The following ADAMTS2 variants were observed in gnomAD, a reference collection of about 807,000 sequenced individuals.
ADAMTS2 encodes the protein ADAM metallopeptidase with thrombospondin type 1 motif 2.
ADAMTS2 carries 50 observed loss-of-function variants against 123.0 expected under a neutral mutation model. The observed-to-expected ratio is 0.41, with a 90% CI of 0.32 to 0.51. The LOEUF (loss-of-function observed/expected upper bound fraction) is 0.51. Among genes scored for constraint, ADAMTS2 ranks in the 20% least tolerant of loss-of-function variants. The pLI, the probability that ADAMTS2 is intolerant of heterozygous loss-of-function variation, is 0.35. For missense variants in ADAMTS2, 1,494 were observed against 1,705.2 expected (o/e 0.88, Z 2.18); for synonymous variants, 678 against 695.4 (o/e 0.98, Z 0.39).
intron 4 of ADAMTS2, among the ~76,000 whole-genome samples, chr5:179,195,729 C>T (rs1031423962): frequency 6.6e-6 from 1 of 152,200 alleles, no homozygotes; most frequent in African/African-American, 2.4e-5. Context: ...TGCAGCCTCG[C>T]ACACACCACT....
At chr5:179,165,796 C>G (rs1466364003) in intron 5 of ADAMTS2, among the ~76,000 whole-genome samples, 1 of 152,188 alleles carries the variant, frequency 6.6e-6, no homozygotes, top group African/African-American at 2.4e-5. Flanking sequence ...ACTCCCAGGT[C>G]CAGCCTAGGG....
At chr5:179,276,421 G>A (rs1430442644) in intron 2 of ADAMTS2, among the ~76,000 whole-genome samples, 1 of 152,204 alleles carries the variant, frequency 6.6e-6, no homozygotes, top group African/African-American at 2.4e-5. Context: ...CCTGGAGCGT[G>A]AAGTTCTGAC....
intron 2 of ADAMTS2, among the ~76,000 whole-genome samples, chr5:179,340,351 AC>A (rs1381450132): frequency 6.6e-6 from 1 of 152,074 alleles, no homozygotes; most frequent in Non-Finnish European, 1.5e-5. Context: ...ACCAGTGAGG[AC>A]TTAGGCCACC....
intron 11 of ADAMTS2, among the ~76,000 whole-genome samples, chr5:179,139,383 G>A (rs974249182): frequency 2.6e-5 from 4 of 152,134 alleles, no homozygotes; most frequent in Admixed American, 1.3e-4. Flanking sequence ...ACAGGGCATG[G>A]GGCCTGCGTG....
intron 21 of ADAMTS2, chr5:179,120,593 G>A (rs1762738267): frequency 6.6e-6 from 1 of 152,086 alleles, no homozygotes; most frequent in South Asian, 2.1e-4. Flanking sequence ...GGAGGGGCGG[G>A]GAGGAGTGCT....
At position 179,202,380 on chromosome 5, in the gene ADAMTS2, T is replaced by C. The variant is rs545014826; in HGVS notation, c.891+5133A>G. Among the ~76,000 whole-genome samples the C allele has an allele frequency of 2.7e-5, 4 of 149,654 alleles. No individual in the cohort carries two copies. The South Asian group carries it at 6.4e-4, about 24-fold the overall frequency. Reference sequence around the variant, plus strand: ...GCCTCTGCTCCCGTGATATCTCCAGTGCACCAGCCCCTGAGCTGTAGAAAG... The same window carrying C: ...GCCTCTGCTCCCGTGATATCTCCAGCGCACCAGCCCCTGAGCTGTAGAAAG... On this transcript the variant is annotated intron_variant, in intron 4 of 21. Coordinates refer to ENST00000251582, the MANE Select transcript of ADAMTS2 (RefSeq NM_014244.5). This position sits in a 1 kb window ranked among gnomAD's most constrained non-coding sequence, Gnocchi z 4.0.
At chr5:179,249,187 T>G (rs557454772) in intron 3 of ADAMTS2, among the ~76,000 whole-genome samples, 3 of 151,906 alleles carry the variant, frequency 2.0e-5, no homozygotes, top group African/African-American at 7.2e-5. Flanking sequence ...ATATAATAAA[T>G]AATAAATCTT....
At position 179,175,961 on chromosome 5, in the gene ADAMTS2, A is replaced by T. The variant is rs1006916900; in HGVS notation, c.975+5111T>A. On this transcript the variant is annotated intron_variant, in intron 5 of 21. Transcript: ENST00000251582. This position sits in a 1 kb window ranked among gnomAD's most constrained non-coding sequence, Gnocchi z 4.1. ...CCACCTGTACTGCTCGGACTCTCGGAGGTACACCATGCACAGCTCCACAGG... is the reference window on the plus strand; with the variant it reads ...CCACCTGTACTGCTCGGACTCTCGGTGGTACACCATGCACAGCTCCACAGG... Among the ~76,000 whole-genome samples, 9 of 151,976 alleles carry T rather than the reference A, an allele frequency of 5.9e-5. No homozygotes were observed. The highest frequency in any genetic ancestry group is 5.9e-4 in the Admixed American group (9 of 15,262).
At position 179,180,052 on chromosome 5, in the gene ADAMTS2, A is replaced by G. The variant is rs1764011023; in HGVS notation, c.975+1020T>C. On this transcript the variant is annotated intron_variant, in intron 5 of 21. Coordinates refer to ENST00000251582, the MANE Select transcript of ADAMTS2 (RefSeq NM_014244.5). This position sits in a 1 kb window ranked among gnomAD's most constrained non-coding sequence, Gnocchi z 4.6. ...CTGGGCATGTCACTAAGTCACATTA[A>G]GCCTCGGTGTTCTTATCTGTGAAAT... 6.6e-6 allele frequency among the ~76,000 whole-genome samples: 1 copy of G among 152,170 alleles called. No individual in the cohort carries two copies. The highest frequency in any genetic ancestry group is 2.4e-5 in the African/African-American group (1 of 41,428).
chr5:179,290,405 T>G (rs1284445361), intron 2 of ADAMTS2, among the ~76,000 whole-genome samples: 1 of 152,184 alleles, frequency 6.6e-6, no homozygotes, highest in Non-Finnish European at 1.5e-5. Flanking sequence ...TGCAGAACCA[T>G]GAGCTAAATA....
intron 2 of ADAMTS2, among the ~76,000 whole-genome samples, chr5:179,333,122 C>T (rs757903653): frequency 1.3e-5 from 2 of 152,206 alleles, no homozygotes; most frequent in African/African-American, 2.4e-5. Context: ...GAGCCGACAC[C>T]GCTGTGGCAG....
At chr5:179,124,606 C>T (rs1762819187) in intron 19 of ADAMTS2, among the ~76,000 whole-genome samples, 1 of 152,258 alleles carries the variant, frequency 6.6e-6, no homozygotes, top group Admixed American at 6.5e-5. Flanking sequence ...ACAGCACTGA[C>T]CACGTGGCAG....
At position 179,260,881 on chromosome 5, in the gene ADAMTS2, C is replaced by T. The variant is rs1766202109; in HGVS notation, c.688+12030G>A. Among the ~76,000 whole-genome samples the T allele has an allele frequency of 6.6e-6, 1 of 152,146 alleles. No individual in the cohort carries two copies. ...TGCTTGGACAGTGGTAGCCCTGCAC[C>T]TTAGTTTTCTCTCTGCTTCCAGGAC... On this transcript the variant is annotated intron_variant, in intron 3 of 21. Coordinates refer to ENST00000251582, the MANE Select transcript of ADAMTS2 (RefSeq NM_014244.5). This position sits in a 1 kb window ranked among gnomAD's most constrained non-coding sequence, Gnocchi z 4.2.
In ADAMTS2 at chr5:179,272,937, A is replaced by C; in HGVS notation, c.662T>G (p.Leu221Arg). The change falls in exon 3 of 22, where the codon CTC (leucine) becomes CGC (arginine). Residue 221 changes from leucine (L) to arginine (R), a missense_variant. Transcript: ENST00000251582. This position sits in a 1 kb window ranked among gnomAD's most constrained non-coding sequence, Gnocchi z 5.8. ...TGTGTCCAGGGCCTGTGGCCCCCCG[A>C]GAGGAGGGGACGTGGGTGGCCGGCG... ...VYRRPPTSPP[L>R]GGPQALDTGA... is the part of the protein sequence containing the mutation. The C allele has an allele frequency of 6.2e-7, 1 of 1,610,978 alleles. No individual in the cohort carries two copies. The highest frequency in any genetic ancestry group is 1.3e-5 in the African/African-American group (1 of 74,924).
At chr5:179,212,211 G>A (rs1247740361) in intron 3 of ADAMTS2, among the ~76,000 whole-genome samples, 5 of 151,762 alleles carry the variant, frequency 3.3e-5, no homozygotes, top group African/African-American at 1.2e-4. Context: ...GCAGGTGTGG[G>A]ATCTGTGGGC....
At chr5:179,267,125 C>T (rs892830601) in intron 3 of ADAMTS2, among the ~76,000 whole-genome samples, 10 of 152,292 alleles carry the variant, frequency 6.6e-5, no homozygotes, top group South Asian at 2.1e-4. Context: ...CCCCCACCCC[C>T]GCCGCCCACT....
intron 21 of ADAMTS2, among the ~76,000 whole-genome samples, chr5:179,119,326 C>G (rs1369156604): frequency 6.6e-6 from 1 of 152,222 alleles, no homozygotes; most frequent in Admixed American, 6.5e-5. Context: ...CGGGCCCGGC[C>G]CTATGCCCAA....
chr5:179,324,903 G>C (rs561773124), intron 2 of ADAMTS2, among the ~76,000 whole-genome samples: 1 of 115,500 alleles, frequency 8.7e-6, no homozygotes, highest in Admixed American at 1.0e-4. Context: ...CCAGCATTCA[G>C]GCAAAAGCCC....
chr5:179,320,358 A>C (rs1329830064), intron 2 of ADAMTS2, among the ~76,000 whole-genome samples: 1 of 152,032 alleles, frequency 6.6e-6, no homozygotes, highest in African/African-American at 2.4e-5. Flanking sequence ...CTCAGGCTGG[A>C]GTGCAGTGGC....
Sources: allele counts gnomAD v4.1 joint callset (sites outside exome capture counted in the v4.1 genomes callset), GRCh38; gene constraint gnomAD v4.1.1; non-coding constraint Gnocchi (gnomAD v3.1); transcripts MANE v1.5; gene names NCBI Gene and HGNC (gene_info 2026-07-23, HGNC 2026-07-21).